The following CLIP2 variants were observed in gnomAD, a reference collection of about 807,000 sequenced individuals.
CLIP2 encodes the protein CAP-Gly domain containing linker protein 2.
In CLIP2, 41 loss-of-function variants were observed where a neutral mutation model predicts 111.7. The ratio of observed to expected loss-of-function variants is 0.37; its 90% CI spans 0.29 to 0.48. The LOEUF (loss-of-function observed/expected upper bound fraction) is 0.48, where lower values mean the gene tolerates loss of function less well. CLIP2 is among the 20% of genes least tolerant of loss of function. The pLI is 0.99. For missense variants in CLIP2, 1,160 were observed against 1,422.1 expected (o/e 0.82, Z 2.96); for synonymous variants, 660 against 644.2 (o/e 1.02, Z -0.37).
chr7:74,375,058 C>CA (rs200111343), intron 9 of CLIP2, among the ~76,000 whole-genome samples: 5 of 149,200 alleles, frequency 3.4e-5, no homozygotes, highest in Admixed American at 6.7e-5. Context: ...AGAATGTTAA[C>CA]AAAAAAAAAA....
intron 3 of CLIP2, among the ~76,000 whole-genome samples, chr7:74,339,511 G>GACC (rs1461060873): frequency 2.0e-5 from 3 of 151,942 alleles, no homozygotes; most frequent in African/African-American, 7.2e-5. Context: ...TCACCATGTT[G>GACC]ACCAGACTGG....
chr7:74,346,232 C>T (rs1789792288), intron 3 of CLIP2, among the ~76,000 whole-genome samples: 1 of 152,042 alleles, frequency 6.6e-6, no homozygotes, highest in South Asian at 2.1e-4. Context: ...TCTCCTTTCT[C>T]AGTCTCCCAA....
At chr7:74,291,371 A>C (rs1788012663) in intron 1 of CLIP2, among the ~76,000 whole-genome samples, 1 of 152,220 alleles carries the variant, frequency 6.6e-6, no homozygotes, top group Non-Finnish European at 1.5e-5. Context: ...ATTTACTCCA[A>C]GGAGCAGTAA....
chr7:74,375,815 C>A, intron 9 of CLIP2, 72 bp from the exon 10 acceptor site: 1 of 1,323,726 alleles, frequency 7.6e-7, no homozygotes, highest in Non-Finnish European at 1.0e-6. Flanking sequence ...ACCCGGCCCC[C>A]ACCATTGTGC....
intron 6 of CLIP2, among the ~76,000 whole-genome samples, chr7:74,359,618 G>A (rs1390487354): frequency 6.6e-6 from 1 of 152,130 alleles, no homozygotes; most frequent in African/African-American, 2.4e-5. Flanking sequence ...GCCTCCCAAA[G>A]TGCTGAGATT....
chr7:74,379,324 G>A (rs538359700), intron 10 of CLIP2, among the ~76,000 whole-genome samples: 12 of 147,180 alleles, frequency 8.2e-5, no homozygotes, highest in Non-Finnish European at 1.5e-4. Context: ...GGGAGACTCC[G>A]TCTGGAAAAA....
intron 16 of CLIP2, among the ~76,000 whole-genome samples, chr7:74,401,936 A>G (rs1554317758): frequency 1.3e-5 from 2 of 151,712 alleles, no homozygotes. Flanking sequence ...AGGGTGGACA[A>G]TATAGCGAGA....
chr7:74,326,632 C>G (rs1789115264), intron 2 of CLIP2, among the ~76,000 whole-genome samples: 1 of 151,450 alleles, frequency 6.6e-6, no homozygotes, highest in Non-Finnish European at 1.5e-5. Context: ...GGGCTGGGCC[C>G]AGAGCATTTT....
chr7:74,324,960 C>T (rs1435189520), intron 2 of CLIP2, among the ~76,000 whole-genome samples: 8 of 152,116 alleles, frequency 5.3e-5, no homozygotes, highest in South Asian at 2.1e-4. Flanking sequence ...GGGCTGGAGG[C>T]GGCCACATCC....
At chr7:74,308,241 A>G (rs1268147071) in intron 1 of CLIP2, among the ~76,000 whole-genome samples, 2 of 152,128 alleles carry the variant, frequency 1.3e-5, no homozygotes, top group African/African-American at 4.8e-5. Flanking sequence ...GCGGGTGGTA[A>G]GGACTGCAGG....
chr7:74,395,907 C>T (rs10949839), intron 13 of CLIP2, among the ~76,000 whole-genome samples: 75,722 of 151,914 alleles, frequency 0.5, 18,892 homozygotes, highest in Middle Eastern at 0.57. Flanking sequence ...CAGTGCTCCC[C>T]GCCTCATGAT....
At chr7:74,317,259 G>A (rs1788806289) in intron 1 of CLIP2, among the ~76,000 whole-genome samples, 2 of 152,300 alleles carry the variant, frequency 1.3e-5, no homozygotes, top group Non-Finnish European at 2.9e-5. Flanking sequence ...GCCTCTCTGT[G>A]TGTTTGTCCT....
At chr7:74,348,812 G>A (rs1394679379) in intron 3 of CLIP2, among the ~76,000 whole-genome samples, 2 of 140,000 alleles carry the variant, frequency 1.4e-5, no homozygotes, top group Admixed American at 1.5e-4. Context: ...AAAAAAGAAT[G>A]AGGGTAGCAA....
intron 2 of CLIP2, among the ~76,000 whole-genome samples, chr7:74,318,359 C>A (rs1788847644): frequency 6.6e-6 from 1 of 151,898 alleles, no homozygotes; most frequent in South Asian, 2.1e-4. Flanking sequence ...GGGTTTAAAC[C>A]AAGATGAGTA....
At chr7:74,301,685 C>G (rs1180563087) in intron 1 of CLIP2, among the ~76,000 whole-genome samples, 1 of 149,346 alleles carries the variant, frequency 6.7e-6, no homozygotes, top group East Asian at 2.0e-4. Context: ...AGCCACTGCG[C>G]CTGGCATTGT....
intron 12 of CLIP2, chr7:74,388,901 A>AGCAATGG: frequency 4.1e-6 from 2 of 492,346 alleles, no homozygotes; most frequent in Non-Finnish European, 7.0e-6. Context: ...GGCTGCAATG[A>AGCAATGG]GCTATAATTG....
In CLIP2 at chr7:74,338,393, C is replaced by T. The variant is rs1789540923; in HGVS notation, c.122-55C>T. 19 of 1,573,200 alleles carry T rather than the reference C, an allele frequency of 1.2e-5. No homozygotes were observed. Among genetic ancestry groups the T allele is most frequent in the Non-Finnish European group, 1.6e-5 (19 of 1,160,528 alleles). On this transcript the variant is annotated intron_variant, in intron 2 of 16. Transcript: ENST00000223398. This position sits in a 1 kb window ranked among gnomAD's most constrained non-coding sequence, Gnocchi z 4.3. ...CCTAGACTCTGTGCTCCTGGGGCCA[C>T]CCAGGGGCCAGCCCTAACAGCCACC...
At chr7:74,349,867 G>A (rs1008129951) in intron 3 of CLIP2, among the ~76,000 whole-genome samples, 8 of 151,714 alleles carry the variant, frequency 5.3e-5, no homozygotes, top group Admixed American at 2.0e-4. Flanking sequence ...CACCTGCGTC[G>A]GCCTCCCAAA....
rs555602265 is a variant in CLIP2 at position 74,307,827 on chromosome 7, G to A, written c.-67-9653G>A. Reference sequence around the variant, plus strand: ...TTCATACTGGAGGCTGCTGGGGGGTGGTTCAGGAGGGCTGGAGGTTAATTT... The same window carrying A: ...TTCATACTGGAGGCTGCTGGGGGGTAGTTCAGGAGGGCTGGAGGTTAATTT... On this transcript the variant is annotated intron_variant, in intron 1 of 16. Transcript: ENST00000223398. 5.3e-5 allele frequency among the ~76,000 whole-genome samples: 8 copies of A among 151,792 alleles called. No homozygotes were observed. In the East Asian group the frequency reaches 9.7e-4, roughly 18 times the overall value.
Sources: allele counts gnomAD v4.1 joint callset (sites outside exome capture counted in the v4.1 genomes callset), GRCh38; gene constraint gnomAD v4.1.1; non-coding constraint Gnocchi (gnomAD v3.1); transcripts MANE v1.5; gene names NCBI Gene and HGNC (gene_info 2026-07-23, HGNC 2026-07-21).